The following ZNF33A variants were observed in gnomAD, a reference collection of about 807,000 sequenced individuals.
ZNF33A encodes brain my041 protein.
ZNF33A carries 9 observed loss-of-function variants against 15.9 expected under a neutral mutation model. The observed-to-expected ratio is 0.57, with a 90% CI of 0.34 to 0.99. The LOEUF (loss-of-function observed/expected upper bound fraction) is 0.99. ZNF33A is among the 50% of genes least tolerant of loss of function. The probability of loss-of-function intolerance (pLI) is 0.02; values close to 1 mark genes in which losing one functional copy is unlikely to be tolerated. For synonymous variants in ZNF33A, 294 were observed against 324.2 expected, an observed-to-expected ratio of 0.91 and a Z score of 1.00; for missense variants, 843 against 941.6, an observed-to-expected ratio of 0.90 and a Z score of 1.37.
At position 38,059,927 on chromosome 10, in the gene ZNF33A, G is replaced by A. The variant is rs2066630444; in HGVS notation, c.*3367G>A. 8.9e-6 allele frequency: 2 copies of A among 224,290 alleles called. No homozygotes were observed. Among genetic ancestry groups the A allele is most frequent in the Admixed American group, 1.3e-4 (2 of 15,334 alleles). 13.9% of individuals were successfully genotyped at this position (224,290 alleles called of 1,614,324 possible). A position where few individuals can be genotyped will look rare whatever the true frequency, so the allele number is the denominator to read the frequency against. ...ATGATGCAAGATGTTAATGATTGGGGAGCCTGTGGAAGATGGGAGGGGAAA... is the reference window on the plus strand; with the variant it reads ...ATGATGCAAGATGTTAATGATTGGGAAGCCTGTGGAAGATGGGAGGGGAAA... On this transcript the variant is annotated 3_prime_UTR_variant, in exon 5 of 5. Transcript: ENST00000432900.
chr10:38,024,163 C>CCA (rs1554902706), intron 4 of ZNF33A, among the ~76,000 whole-genome samples: 6,860 of 92,934 alleles, frequency 0.074, 188 homozygotes, highest in Middle Eastern at 0.12. Context: ...AAAAACAAAA[C>CCA]AAAAAAAAAA....
intron 4 of ZNF33A, among the ~76,000 whole-genome samples, chr10:38,042,488 T>A (rs1330553686): frequency 7.4e-6 from 1 of 135,728 alleles, no homozygotes; most frequent in East Asian, 2.2e-4. Context: ...AGCCACTCTA[T>A]TTTTTTGCTT....
At chr10:38,030,542 T>C (rs930001145) in intron 4 of ZNF33A, among the ~76,000 whole-genome samples, 11 of 152,146 alleles carry the variant, frequency 7.2e-5, no homozygotes, top group African/African-American at 2.7e-4. Flanking sequence ...CTACCCCCAA[T>C]GTTTGGTTTG....
At chr10:38,040,328 A>G (rs929372762) in intron 4 of ZNF33A, among the ~76,000 whole-genome samples, 2 of 152,026 alleles carry the variant, frequency 1.3e-5, no homozygotes, top group Admixed American at 6.6e-5. Context: ...TTAGAGTGTC[A>G]TCTATATCTT....
chr10:38,035,244 A>G (rs2065395937), intron 4 of ZNF33A, among the ~76,000 whole-genome samples: 1 of 149,958 alleles, frequency 6.7e-6, no homozygotes, highest in African/African-American at 2.5e-5. Flanking sequence ...CAGCTTCTCA[A>G]GTAGCCGGGA....
intron 4 of ZNF33A, among the ~76,000 whole-genome samples, chr10:38,047,494 G>T (rs1372323562): frequency 6.6e-6 from 1 of 151,554 alleles, no homozygotes; most frequent in East Asian, 2.0e-4. Context: ...GTGCGTGGTG[G>T]CAGGCGCCTG....
intron 2 of ZNF33A, among the ~76,000 whole-genome samples, chr10:38,016,378 G>C (rs1463623474): frequency 6.6e-6 from 1 of 152,174 alleles, no homozygotes; most frequent in African/African-American, 2.4e-5. Context: ...GCCATCTCCT[G>C]TGCTGTCTGC....
chr10:38,066,257 A>G (rs1178597325), downstream of ZNF33A, among the ~76,000 whole-genome samples: 2 of 151,872 alleles, frequency 1.3e-5, no homozygotes, highest in African/African-American at 4.8e-5. Context: ...TTAACTGGAG[A>G]AACAGAAGGG....
At chr10:38,012,618 G>C (rs2064244590) in intron 2 of ZNF33A, among the ~76,000 whole-genome samples, 1 of 151,956 alleles carries the variant, frequency 6.6e-6, no homozygotes, top group Admixed American at 6.5e-5. Context: ...TTTTAATAGA[G>C]ACAGGGTTTC....
chr10:38,019,792 G>C (rs1402258669), intron 4 of ZNF33A, among the ~76,000 whole-genome samples: 2 of 152,218 alleles, frequency 1.3e-5, no homozygotes, highest in Non-Finnish European at 2.9e-5. Flanking sequence ...CAAGAAAGAA[G>C]ATTGGAGGTT....
chr10:38,044,413 T>G (rs2065862868), intron 4 of ZNF33A, among the ~76,000 whole-genome samples: 1 of 151,784 alleles, frequency 6.6e-6, no homozygotes, highest in Non-Finnish European at 1.5e-5. Context: ...TTTCACCACA[T>G]TGGTCAGTCT....
chr10:38,053,096 C>G (rs926332194), intron 4 of ZNF33A, among the ~76,000 whole-genome samples: 1 of 151,460 alleles, frequency 6.6e-6, no homozygotes, highest in East Asian at 1.9e-4. Flanking sequence ...TTTCTTGTTT[C>G]ATTCTCCTTT....
At chr10:38,050,501 T>C (rs1590680275) in intron 4 of ZNF33A, among the ~76,000 whole-genome samples, 2 of 152,340 alleles carry the variant, frequency 1.3e-5, no homozygotes, top group Non-Finnish European at 2.9e-5. Flanking sequence ...TCTTTGAACT[T>C]GTGATTTGTA....
At position 38,025,053 on chromosome 10, in the gene ZNF33A, C is replaced by T. The variant is rs573789948; in HGVS notation, c.250+7667C>T. 2.6e-5 allele frequency among the ~76,000 whole-genome samples: 4 copies of T among 152,224 alleles called. No homozygotes were observed. In the South Asian group the frequency reaches 8.3e-4, roughly 32 times the overall value. On this transcript the variant is annotated intron_variant, in intron 4 of 4. Transcript: ENST00000432900. ...TATGATCTTGTTAATCTTTCCCTGT[C>T]CCTAATTTATAAATTAAACTTTATC...
rs781390936 is a variant in ZNF33A at position 38,014,520 on chromosome 10, G to A, written c.9+2170G>A. Among the ~76,000 whole-genome samples the A allele has an allele frequency of 8.2e-4, 125 of 152,204 alleles. No individual in the cohort carries two copies. In the Middle Eastern group the frequency reaches 0.01, roughly 12 times the overall value. On this transcript the variant is annotated intron_variant, in intron 2 of 4. Coordinates refer to ENST00000432900, the MANE Select transcript of ZNF33A (RefSeq NM_006954.2). Reference sequence around the variant, plus strand: ...ATTCACATTTACATCTCTTTCATTGGAATGAGTGTCTACTTCTGTATGAGG... The same window carrying A: ...ATTCACATTTACATCTCTTTCATTGAAATGAGTGTCTACTTCTGTATGAGG...
At chr10:38,029,615 A>G (rs1253664549) in intron 4 of ZNF33A, among the ~76,000 whole-genome samples, 1 of 152,166 alleles carries the variant, frequency 6.6e-6, no homozygotes, top group Non-Finnish European at 1.5e-5. Flanking sequence ...GTACTCCACC[A>G]TTTGGTTATG....
chr10:38,022,411 CTT>C (rs1031889641), intron 4 of ZNF33A, among the ~76,000 whole-genome samples: 22 of 152,172 alleles, frequency 1.4e-4, no homozygotes, highest in African/African-American at 5.3e-4. Context: ...TATTCCAACA[CTT>C]TGGGAGGCCA....
intron 4 of ZNF33A, among the ~76,000 whole-genome samples, chr10:38,017,953 G>A (rs1477854500): frequency 6.6e-6 from 1 of 152,096 alleles, no homozygotes; most frequent in African/African-American, 2.4e-5. Context: ...AATTAGCTGG[G>A]TGTGGTGGCA....
At position 38,058,422 on chromosome 10, in the gene ZNF33A, A is replaced by C. The variant is rs1194901192; in HGVS notation, c.*1862A>C. On this transcript the variant is annotated 3_prime_UTR_variant, in exon 5 of 5. Coordinates refer to ENST00000432900, the MANE Select transcript of ZNF33A (RefSeq NM_006954.2). ...CGCATTCTCTCAAAGCTCACACAAG[A>C]TAGACCTCAATAGGCATATGTATCT... is the stretch of plus-strand genomic sequence containing the variant. The C allele has an allele frequency of 2.0e-5, 3 of 152,202 alleles. No homozygotes were observed. The highest frequency in any genetic ancestry group is 7.2e-5 in the African/African-American group (3 of 41,450). 9.4% of individuals were successfully genotyped at this position (152,202 alleles called of 1,614,324 possible).
Sources: gnomAD v4.1 joint callset for allele counts (sites outside exome capture counted in the v4.1 genomes callset) on GRCh38, gnomAD v4.1.1 for gene constraint, MANE v1.5 for transcripts, NCBI Gene and HGNC (gene_info 2026-07-23, HGNC 2026-07-21) for gene names.